The following PID1 variants were observed in gnomAD, a reference collection of about 807,000 sequenced individuals.
PID1 encodes PTB-containing, cubilin and LRP1-interacting protein.
In PID1, 10 loss-of-function variants were observed where a neutral mutation model predicts 19.1. The ratio of observed to expected loss-of-function variants is 0.52; its 90% CI spans 0.32 to 0.89. The LOEUF (loss-of-function observed/expected upper bound fraction) is 0.89, where lower values mean the gene tolerates loss of function less well. Among genes scored for constraint, PID1 ranks in the 40% least tolerant of loss-of-function variants. The probability of loss-of-function intolerance (pLI) is 0.03; values close to 1 mark genes in which losing one functional copy is unlikely to be tolerated. For synonymous variants in PID1, 130 were observed against 116.0 expected (o/e 1.12, Z -0.78); for missense variants, 248 against 285.3 (o/e 0.87, Z 0.94).
chr2:229,243,346 G>A (rs970830559), intron 1 of PID1, among the ~76,000 whole-genome samples: 5 of 152,124 alleles, frequency 3.3e-5, no homozygotes, highest in African/African-American at 1.2e-4. Flanking sequence ...TGGGGACAGA[G>A]CCAAACCATA....
rs185431635 is a variant in PID1 at position 229,235,868 on chromosome 2, C to T, written c.30+35146G>A. On this transcript the variant is annotated intron_variant, in intron 1 of 2. Coordinates refer to ENST00000392055, the MANE Select transcript of PID1 (RefSeq NM_001100818.2). ...ATGATGGCTTCCAGGCATCTCGGGACGGGGGGCCAGGCAGGAGGGAATAAA... is the reference window on the plus strand; with the variant it reads ...ATGATGGCTTCCAGGCATCTCGGGATGGGGGGCCAGGCAGGAGGGAATAAA... 8.5e-5 allele frequency among the ~76,000 whole-genome samples: 13 copies of T among 152,192 alleles called. No homozygotes were observed. The East Asian group carries it at 2.5e-3, about 29-fold the overall frequency.
chr2:229,164,304 G>GA lies in PID1; in HGVS notation c.31-8341dup, dbSNP rs953003924. ...CAGAACAAAAATTTCACCTACTCAT[G>GA]AAAAAAAAAAAATTCAAGTATAGCT... is the stretch of plus-strand genomic sequence containing the variant. On this transcript the variant is annotated intron_variant, in intron 1 of 2. Coordinates refer to ENST00000392055, the MANE Select transcript of PID1 (RefSeq NM_001100818.2). Among the ~76,000 whole-genome samples, 295 of 143,140 alleles carry GA rather than the reference G, an allele frequency of 2.1e-3. 1 individual carries two copies. Among genetic ancestry groups the GA allele is most frequent in the Middle Eastern group, 7.1e-3 (2 of 282 alleles). The allele number at this position is 143,140 out of a possible 152,430, so 93.9% of individuals were successfully genotyped here.
intron 2 of PID1, among the ~76,000 whole-genome samples, chr2:229,077,049 C>A (rs561683711): frequency 6.6e-6 from 1 of 152,324 alleles, no homozygotes; most frequent in South Asian, 2.1e-4. Context: ...ACATCCTCTC[C>A]AGCATCTGCT....
intron 2 of PID1, among the ~76,000 whole-genome samples, chr2:229,106,020 A>T (rs1053130053): frequency 1.4e-5 from 2 of 147,766 alleles, no homozygotes; most frequent in African/African-American, 5.0e-5. Flanking sequence ...TGGAGCTTGC[A>T]GTGAGCTGAG....
At chr2:229,237,309 A>G (rs953057289) in intron 1 of PID1, among the ~76,000 whole-genome samples, 1 of 152,218 alleles carries the variant, frequency 6.6e-6, no homozygotes, top group Non-Finnish European at 1.5e-5. Flanking sequence ...ACATAAAAAG[A>G]TATCTACAGT....
chr2:229,149,475 CCT>C (rs1278699051), intron 2 of PID1, among the ~76,000 whole-genome samples: 1 of 152,088 alleles, frequency 6.6e-6, no homozygotes, highest in Non-Finnish European at 1.5e-5. Flanking sequence ...ACAAGCACCC[CCT>C]GATAGTATTT....
At chr2:229,128,688 A>C (rs1014831454) in intron 2 of PID1, among the ~76,000 whole-genome samples, 4 of 152,206 alleles carry the variant, frequency 2.6e-5, no homozygotes, top group Non-Finnish European at 4.4e-5. Context: ...CCATGCATTG[A>C]ATGTCTATTA....
chr2:229,186,920 A>G (rs1226027587), intron 1 of PID1, among the ~76,000 whole-genome samples: 1 of 152,186 alleles, frequency 6.6e-6, no homozygotes, highest in Non-Finnish European at 1.5e-5. Context: ...TCAACTCTTG[A>G]ATGCTTTGCT....
chr2:229,096,720 G>A (rs1482283795), intron 2 of PID1, among the ~76,000 whole-genome samples: 1 of 152,116 alleles, frequency 6.6e-6, no homozygotes, highest in East Asian at 1.9e-4. Context: ...TTCAAGACTG[G>A]CTTCTATCTC....
intron 1 of PID1, among the ~76,000 whole-genome samples, chr2:229,174,664 AT>A (rs900747761): frequency 1.4e-5 from 2 of 144,422 alleles, no homozygotes; most frequent in East Asian, 2.0e-4. Flanking sequence ...TGGTACAGAG[AT>A]TTTTTTTGCC....
intron 2 of PID1, among the ~76,000 whole-genome samples, chr2:229,126,928 T>C (rs907552371): frequency 7.2e-5 from 11 of 152,254 alleles, no homozygotes; most frequent in Admixed American, 4.6e-4. Flanking sequence ...CGAAGCTTTC[T>C]GGTCAGGCTC....
intron 2 of PID1, among the ~76,000 whole-genome samples, chr2:229,149,433 C>T (rs1481845754): frequency 6.6e-6 from 1 of 152,114 alleles, no homozygotes; most frequent in Non-Finnish European, 1.5e-5. Context: ...AGCTGGATGA[C>T]TGGAATTCAT....
intron 2 of PID1, among the ~76,000 whole-genome samples, chr2:229,119,602 G>T (rs1460872444): frequency 6.6e-6 from 1 of 152,254 alleles, no homozygotes; most frequent in Non-Finnish European, 1.5e-5. Context: ...AACAAGGCAA[G>T]GTGTCAAAGG....
chr2:229,137,897 A>G (rs1689888745), intron 2 of PID1, among the ~76,000 whole-genome samples: 1 of 152,182 alleles, frequency 6.6e-6, no homozygotes, highest in South Asian at 2.1e-4. Context: ...TATTCACAAG[A>G]GAGACTGTGC....
chr2:229,196,806 A>T (rs777669035), intron 1 of PID1, among the ~76,000 whole-genome samples: 5 of 152,060 alleles, frequency 3.3e-5, no homozygotes, highest in South Asian at 2.1e-4. Context: ...TTTACCTCTG[A>T]ATGTTTTTGT....
intron 2 of PID1, among the ~76,000 whole-genome samples, chr2:229,121,568 C>G (rs76823971): frequency 0.026 from 3,903 of 152,206 alleles, 59 homozygotes; most frequent in South Asian, 0.053. Context: ...TACATTCTCT[C>G]CACTTTTTTC....
At position 229,127,843 on chromosome 2, in the gene PID1, G is replaced by A. The variant is rs139356490; in HGVS notation, c.177+27975C>T. Among the ~76,000 whole-genome samples, 149 of 152,312 alleles carry A rather than the reference G, an allele frequency of 9.8e-4. 1 individual carries two copies. The highest frequency in any genetic ancestry group is 3.5e-3 in the African/African-American group (145 of 41,554). ...TGGAAAACACCTATATGCAGAGACA[G>A]TGCCTGTCTGTAGGTGTTCCTATCT... On this transcript the variant is annotated intron_variant, in intron 2 of 2. Coordinates refer to ENST00000392055, the MANE Select transcript of PID1 (RefSeq NM_001100818.2).
intron 2 of PID1, among the ~76,000 whole-genome samples, chr2:229,127,276 A>G (rs1014398053): frequency 1.3e-5 from 2 of 152,314 alleles, no homozygotes; most frequent in East Asian, 3.9e-4. Flanking sequence ...AGTGGGCCTA[A>G]TAATTGTATC....
At chr2:229,240,285 A>G (rs1689838351) in intron 1 of PID1, among the ~76,000 whole-genome samples, 1 of 152,134 alleles carries the variant, frequency 6.6e-6, no homozygotes, top group African/African-American at 2.4e-5. Context: ...CCCCTGAGAC[A>G]TTCTGTGAAT....
Sources: allele counts gnomAD v4.1 joint callset (sites outside exome capture counted in the v4.1 genomes callset), GRCh38; gene constraint gnomAD v4.1.1; transcripts MANE v1.5; gene names NCBI Gene and HGNC (gene_info 2026-07-23, HGNC 2026-07-21).